TLN2: variants seen among roughly 807,000 people sequenced by gnomAD.
TLN2 encodes the protein talin 2, also known as talin-2.
In TLN2, 118 loss-of-function variants were observed where a neutral mutation model predicts 294.7. The ratio of observed to expected loss-of-function variants is 0.40; its 90% CI spans 0.34 to 0.47. The LOEUF (loss-of-function observed/expected upper bound fraction) is 0.47, where lower values mean the gene tolerates loss of function less well. Ranked by LOEUF, TLN2 falls within the 20% of genes least tolerant of loss-of-function variation. TLN2 has a pLI of 0.84. For missense variants in TLN2, 3,083 were observed against 3,282.2 expected (o/e 0.94, Z 1.48); for synonymous variants, 1,431 against 1,304.5 (o/e 1.10, Z -2.09).
chr15:62,406,238 G>T (rs1473272315), intron 1 of TLN2, among the ~76,000 whole-genome samples: 1 of 152,186 alleles, frequency 6.6e-6, no homozygotes, highest in East Asian at 1.9e-4. Flanking sequence ...AGGACTGTGA[G>T]GGGGAGCCTG....
At chr15:62,771,360 G>A (rs1036757850) in intron 42 of TLN2, among the ~76,000 whole-genome samples, 11 of 152,320 alleles carry the variant, frequency 7.2e-5, no homozygotes, top group African/African-American at 2.6e-4. Flanking sequence ...GTGTAGACAA[G>A]TGTCCTTGGG....
intron 9 of TLN2, chr15:62,658,293 A>G (rs1411767751): frequency 2.4e-5 from 4 of 168,794 alleles, no homozygotes; most frequent in African/African-American, 9.6e-5. Context: ...AGATGTGTCC[A>G]GCAGGCCATT....
intron 3 of TLN2, among the ~76,000 whole-genome samples, chr15:62,632,554 G>A (rs2050005972): frequency 6.6e-6 from 1 of 152,200 alleles, no homozygotes; most frequent in Admixed American, 6.5e-5. Context: ...CTACTACATG[G>A]CACCCGCCAA....
chr15:62,423,410 A>G (rs1307221289), intron 1 of TLN2, among the ~76,000 whole-genome samples: 1 of 152,064 alleles, frequency 6.6e-6, no homozygotes, highest in Non-Finnish European at 1.5e-5. Context: ...ACAAAAAGTC[A>G]CTGGGGAGAA....
chr15:62,604,683 C>T (rs1445770948), intron 2 of TLN2, among the ~76,000 whole-genome samples: 1 of 144,576 alleles, frequency 6.9e-6, no homozygotes, highest in Non-Finnish European at 1.5e-5. Context: ...TGGATTTCTT[C>T]TCTTCGTCTT....
intron 2 of TLN2, among the ~76,000 whole-genome samples, chr15:62,604,770 T>C (rs2047295099): frequency 6.6e-6 from 1 of 151,568 alleles, no homozygotes; most frequent in Non-Finnish European, 1.5e-5. Context: ...CGATAAGGGA[T>C]TTATATTAAT....
rs139533337 is a variant in TLN2, at chr15:62,715,442, T to C, written c.2635-889T>C. Among the ~76,000 whole-genome samples the C allele has an allele frequency of 7.7e-4, 118 of 152,368 alleles. 1 individual carries two copies. The East Asian group carries it at 0.019, about 25-fold the overall frequency. On this transcript the variant is annotated intron_variant, in intron 22 of 58. Transcript: ENST00000636159. ...TGGTGAGGGAAATCTTGATTGCTAC[T>C]GTTATAGTTGTGGGAGAGGAAGGCT...
chr15:62,710,325 C>T (rs1035789369), intron 21 of TLN2, among the ~76,000 whole-genome samples: 2 of 152,226 alleles, frequency 1.3e-5, no homozygotes, highest in East Asian at 1.9e-4. Context: ...CAATTTGCAA[C>T]CCAACTAGTA....
rs2063282131 is a variant in TLN2 at position 62,770,409 on chromosome 15, T to C, written c.5197-555T>C. ...GGCAGTGGTTCCTGTCGGGATAAGC[T>C]TTTTTTGTTCTCCCAAGTTGGGCGA... On this transcript the variant is annotated intron_variant, in intron 41 of 58. Coordinates refer to ENST00000636159, the MANE Select transcript of TLN2 (RefSeq NM_015059.3). Among the ~76,000 whole-genome samples, 3 of 151,294 alleles carry C rather than the reference T, an allele frequency of 2.0e-5. No homozygotes were observed. The South Asian group carries it at 6.2e-4, about 31-fold the overall frequency.
chr15:62,736,546 A>G (rs2061025409), intron 28 of TLN2, among the ~76,000 whole-genome samples: 2 of 152,146 alleles, frequency 1.3e-5, no homozygotes, highest in Non-Finnish European at 2.9e-5. Flanking sequence ...GCCTCCCGCA[A>G]ACATGTGCAG....
chr15:62,455,435 C>CA (rs1270056427), intron 1 of TLN2, among the ~76,000 whole-genome samples: 1 of 152,130 alleles, frequency 6.6e-6, no homozygotes, highest in African/African-American at 2.4e-5. Flanking sequence ...CAGTAGGAGT[C>CA]AGATAGCACA....
intron 1 of TLN2, among the ~76,000 whole-genome samples, chr15:62,562,033 T>C (rs770018202): frequency 6.6e-5 from 10 of 152,178 alleles, no homozygotes; most frequent in Non-Finnish European, 1.2e-4. Context: ...TTTCAACTTA[T>C]AAGCTCCTCG....
At chr15:62,459,053 T>C (rs2140336113) in intron 1 of TLN2, among the ~76,000 whole-genome samples, 1 of 151,526 alleles carries the variant, frequency 6.6e-6, no homozygotes, top group South Asian at 2.1e-4. Flanking sequence ...CAGGCTGGAG[T>C]ATAGTGGCGC....
intron 1 of TLN2, among the ~76,000 whole-genome samples, chr15:62,409,481 T>C (rs1436181770): frequency 6.6e-6 from 1 of 152,240 alleles, no homozygotes; most frequent in East Asian, 1.9e-4. Context: ...AATAGATTGT[T>C]AGCTTTCTAT....
intron 50 of TLN2, among the ~76,000 whole-genome samples, chr15:62,805,152 C>CAG (rs1437055459): frequency 6.6e-6 from 1 of 151,972 alleles, no homozygotes; most frequent in African/African-American, 2.4e-5. Context: ...CACATCCTCT[C>CAG]AGAGAGAGAG....
chr15:62,450,119 TC>T (rs2036020107), intron 1 of TLN2, among the ~76,000 whole-genome samples: 1 of 152,156 alleles, frequency 6.6e-6, no homozygotes, highest in African/African-American at 2.4e-5. Flanking sequence ...GCTTCCAGGC[TC>T]TCTCAGCTTC....
At position 62,408,210 on chromosome 15, in the gene TLN2, G is replaced by A. The variant is rs528766107; in HGVS notation, c.-238+17525G>A. Among the ~76,000 whole-genome samples, 6 of 152,246 alleles carry A rather than the reference G, an allele frequency of 3.9e-5. No homozygotes were observed. In the South Asian group the frequency reaches 1.0e-3, roughly 26 times the overall value. On this transcript the variant is annotated intron_variant, in intron 1 of 58. Transcript: ENST00000636159. Reference sequence around the variant, plus strand: ...ACTGAGAGGGTGTGGCCTTAGATAAGTCACTGTGTGCCTTATCAAAACAAG... The same window carrying A: ...ACTGAGAGGGTGTGGCCTTAGATAAATCACTGTGTGCCTTATCAAAACAAG...
At chr15:62,746,323 C>A (rs554475567) in intron 32 of TLN2, among the ~76,000 whole-genome samples, 5 of 152,128 alleles carry the variant, frequency 3.3e-5, no homozygotes, top group Admixed American at 2.0e-4. Flanking sequence ...CCAGGAGGTA[C>A]TTTAAAAGCG....
chr15:62,776,151 C>T (rs1212943299), intron 42 of TLN2, among the ~76,000 whole-genome samples: 1 of 152,160 alleles, frequency 6.6e-6, no homozygotes, highest in East Asian at 1.9e-4. Flanking sequence ...CCCTACTCTG[C>T]TTGACACAGG....
Sources: allele counts gnomAD v4.1 joint callset (sites outside exome capture counted in the v4.1 genomes callset), GRCh38; gene constraint gnomAD v4.1.1; transcripts MANE v1.5; gene names NCBI Gene and HGNC (gene_info 2026-07-23, HGNC 2026-07-21).